ADAM12: variants seen among roughly 807,000 people sequenced by gnomAD.
The protein encoded by ADAM12 is ADAM metallopeptidase domain 12, also known as disintegrin and metalloproteinase domain-containing protein 12.
Under a neutral mutation model 106.4 loss-of-function variants are expected in ADAM12, and 70 were observed. The ratio of observed to expected loss-of-function variants is 0.66; its 90% confidence interval spans 0.54 to 0.80. The LOEUF (loss-of-function observed/expected upper bound fraction) is 0.80, where lower values mean the gene tolerates loss of function less well. Ranked by LOEUF, ADAM12 falls within the 30% of genes least tolerant of loss-of-function variation. The probability of loss-of-function intolerance (pLI) is 0.00; values close to 1 mark genes in which losing one functional copy is unlikely to be tolerated. For missense variants in ADAM12, 1,010 were observed against 1,171.9 expected (o/e 0.86, Z 2.02); for synonymous variants, 420 against 433.5 (o/e 0.97, Z 0.39).
At chr10:126,332,119 C>T (rs1483268387) in intron 1 of ADAM12, among the ~76,000 whole-genome samples, 1 of 152,180 alleles carries the variant, frequency 6.6e-6, no homozygotes, top group Non-Finnish European at 1.5e-5. Flanking sequence ...GGCCACGGGC[C>T]AGTTGTGTCC....
chr10:126,320,612 T>C (rs1320363428), intron 2 of ADAM12, among the ~76,000 whole-genome samples: 2 of 152,210 alleles, frequency 1.3e-5, no homozygotes, highest in Non-Finnish European at 2.9e-5. Flanking sequence ...AGTAAACACG[T>C]AGATGAAGGC....
intron 3 of ADAM12, among the ~76,000 whole-genome samples, chr10:126,253,798 C>T (rs996202454): frequency 1.3e-5 from 2 of 152,006 alleles, no homozygotes; most frequent in African/African-American, 2.4e-5. Context: ...GAATGAGATG[C>T]GGTTCTTGCC....
chr10:126,327,697 T>C (rs754904860), intron 2 of ADAM12, among the ~76,000 whole-genome samples: 4 of 152,184 alleles, frequency 2.6e-5, no homozygotes, highest in Non-Finnish European at 5.9e-5. Context: ...TGTTTCATGG[T>C]TGTGAACACT....
At chr10:126,354,772 C>T (rs2133892378) in intron 1 of ADAM12, among the ~76,000 whole-genome samples, 1 of 149,976 alleles carries the variant, frequency 6.7e-6, no homozygotes, top group Admixed American at 6.7e-5. Context: ...GCAGAACTGA[C>T]TATGGCAAGA....
At chr10:126,094,909 G>A (rs562294982) in intron 10 of ADAM12, among the ~76,000 whole-genome samples, 44 of 152,272 alleles carry the variant, frequency 2.9e-4, no homozygotes, top group African/African-American at 9.9e-4. Context: ...CCCTAACTTA[G>A]TGGAGTGCCT....
intron 3 of ADAM12, among the ~76,000 whole-genome samples, chr10:126,267,855 C>T (rs553693590): frequency 5.9e-5 from 9 of 152,100 alleles, no homozygotes; most frequent in African/African-American, 1.9e-4. Flanking sequence ...AAACTATCAC[C>T]GTCTTCCTCT....
chr10:126,249,981 T>C (rs4962325), intron 3 of ADAM12, among the ~76,000 whole-genome samples: 11,013 of 152,088 alleles, frequency 0.072, 509 homozygotes, highest in East Asian at 0.13. Context: ...ACACAATAAG[T>C]AGGCCACTGA....
chr10:126,260,571 T>A lies in ADAM12; in HGVS notation c.260+18344A>T, dbSNP rs1363319232. ...GCAAGCAGGTCCCTCATTCTGAACA[T>A]ACAGAGGTTGAAACTTTCCTTAAGG... On this transcript the variant is annotated intron_variant, in intron 3 of 22. Transcript: ENST00000448723. Among the ~76,000 whole-genome samples, 4 of 151,152 alleles carry A rather than the reference T, an allele frequency of 2.6e-5. No individual in the cohort carries two copies. The East Asian group carries it at 7.8e-4, about 29-fold the overall frequency.
intron 18 of ADAM12, among the ~76,000 whole-genome samples, chr10:126,042,435 T>G (rs578196605): frequency 6.6e-6 from 1 of 152,080 alleles, no homozygotes; most frequent in Non-Finnish European, 1.5e-5. Flanking sequence ...GAGATCACAT[T>G]AGGCAAATTA....
intron 3 of ADAM12, among the ~76,000 whole-genome samples, chr10:126,182,805 T>C (rs576316000): frequency 6.6e-6 from 1 of 152,326 alleles, no homozygotes; most frequent in South Asian, 2.1e-4. Flanking sequence ...CTCGGGACTA[T>C]GGGGATTTAC....
intron 11 of ADAM12, among the ~76,000 whole-genome samples, chr10:126,076,648 G>A (rs148103332): frequency 1.4e-3 from 215 of 152,286 alleles, no homozygotes; most frequent in East Asian, 5.6e-3. Flanking sequence ...ATGGTCACTT[G>A]TATGTCTCCT....
chr10:126,295,548 T>TACACAC lies in ADAM12; in HGVS notation c.187-16566_187-16561dup, dbSNP rs147578888. Among the ~76,000 whole-genome samples the TACACAC allele has an allele frequency of 4.5e-4, 66 of 146,636 alleles. 1 individual carries two copies. Among genetic ancestry groups the TACACAC allele is most frequent in the East Asian group, 2.0e-3 (10 of 4,914 alleles). On this transcript the variant is annotated intron_variant, in intron 2 of 22. Coordinates refer to ENST00000448723, the MANE Select transcript of ADAM12 (RefSeq NM_001288973.2). ...CCACAAAAATACACACACACACACA[T>TACACAC]ACACACACACACACACACACACATC...
chr10:126,085,406 A>G (rs1278354), intron 11 of ADAM12, among the ~76,000 whole-genome samples: 106,864 of 152,054 alleles, frequency 0.7, 38,076 homozygotes, highest in East Asian at 0.82. Context: ...TTACACAGAT[A>G]AGGAAGAGAA....
intron 1 of ADAM12, among the ~76,000 whole-genome samples, chr10:126,381,407 G>A (rs759188228): frequency 4.6e-5 from 7 of 152,078 alleles, no homozygotes; most frequent in Non-Finnish European, 7.4e-5. Context: ...GGGGGGCTGC[G>A]GCAGGAGGAT....
chr10:126,086,680 A>AAAAATATATATAT (rs1554966976), intron 11 of ADAM12, among the ~76,000 whole-genome samples: 3 of 24,264 alleles, frequency 1.2e-4, no homozygotes, highest in Admixed American at 7.9e-4. Context: ...AAAAAAAAAA[A>AAAAATATATATAT]ATATATATAT....
At chr10:126,206,513 T>G (rs1022296849) in intron 3 of ADAM12, among the ~76,000 whole-genome samples, 8 of 152,184 alleles carry the variant, frequency 5.3e-5, no homozygotes, top group Non-Finnish European at 1.2e-4. Context: ...ACCCCCAGTC[T>G]GCTGCCTCTA....
chr10:126,254,987 G>A (rs550043226), intron 3 of ADAM12, among the ~76,000 whole-genome samples: 37 of 152,134 alleles, frequency 2.4e-4, no homozygotes, highest in Non-Finnish European at 4.3e-4. Context: ...GCCATAGTTC[G>A]CCCCGGTCAC....
intron 1 of ADAM12, among the ~76,000 whole-genome samples, chr10:126,373,992 C>T (rs890955178): frequency 4.6e-5 from 7 of 152,192 alleles, no homozygotes; most frequent in Non-Finnish European, 1.0e-4. Flanking sequence ...GACAGGCTGC[C>T]CTTCCCAAGT....
chr10:126,264,019 T>G (rs1959051500), intron 3 of ADAM12, among the ~76,000 whole-genome samples: 1 of 152,228 alleles, frequency 6.6e-6, no homozygotes, highest in South Asian at 2.1e-4. Flanking sequence ...GGGCTAGTAT[T>G]TTTAGTAAGT....
Sources: allele counts gnomAD v4.1 joint callset (sites outside exome capture counted in the v4.1 genomes callset), GRCh38; gene constraint gnomAD v4.1.1; transcripts MANE v1.5; gene names NCBI Gene and HGNC (gene_info 2026-07-23, HGNC 2026-07-21).